The following DLC1 variants were observed in gnomAD, a reference collection of about 807,000 sequenced individuals.
The protein encoded by DLC1 is DLC1 Rho GTPase activating protein, also known as rho GTPase-activating protein 7.
DLC1 carries 54 observed loss-of-function variants against 140.3 expected under a neutral mutation model. The observed-to-expected ratio is 0.38, with a 90% CI of 0.31 to 0.48. The LOEUF is 0.48. Ranked by LOEUF, DLC1 falls within the 20% of genes least tolerant of loss-of-function variation. DLC1 has a pLI of 0.96. For missense variants in DLC1, 2,536 were observed against 1,907.0 expected, an observed-to-expected ratio of 1.33 and a Z score of -6.14; for synonymous variants, 986 against 728.1, an observed-to-expected ratio of 1.35 and a Z score of -5.70.
chr8:13,275,554 T>A (rs1831127400), intron 5 of DLC1, among the ~76,000 whole-genome samples: 1 of 152,214 alleles, frequency 6.6e-6, no homozygotes, highest in Non-Finnish European at 1.5e-5. Context: ...CATATCGTAG[T>A]GAGATGCTAT....
At chr8:13,550,971 C>T (rs1046976191) in intron 1 of DLC1, among the ~76,000 whole-genome samples, 9 of 151,632 alleles carry the variant, frequency 5.9e-5, no homozygotes, top group South Asian at 2.1e-4. Flanking sequence ...CAAGAATTCT[C>T]AGTGAGTTTA....
chr8:13,170,153 G>T (rs889889270), intron 5 of DLC1, among the ~76,000 whole-genome samples: 4 of 152,138 alleles, frequency 2.6e-5, no homozygotes, highest in Admixed American at 2.0e-4. Flanking sequence ...TAATTGTTAA[G>T]ACATGCTATA....
At chr8:13,580,412 C>T (rs571687530) in intron 1 of DLC1, among the ~76,000 whole-genome samples, 2 of 152,320 alleles carry the variant, frequency 1.3e-5, no homozygotes, top group South Asian at 2.1e-4. Context: ...TGAGCCACCG[C>T]GCCCGGCAGG....
At chr8:13,264,510 T>C (rs1303595265) in intron 5 of DLC1, among the ~76,000 whole-genome samples, 1 of 152,136 alleles carries the variant, frequency 6.6e-6, no homozygotes, top group Non-Finnish European at 1.5e-5. Context: ...TTGGGGACAC[T>C]TAAATGTGTA....
chr8:13,537,285 C>G (rs1803314401), intron 1 of DLC1, among the ~76,000 whole-genome samples: 2 of 152,148 alleles, frequency 1.3e-5, no homozygotes, highest in Admixed American at 6.5e-5. Flanking sequence ...CAGGTTCTGC[C>G]ATTCAGGCCC....
At chr8:13,541,548 T>C (rs1803483738) in intron 1 of DLC1, among the ~76,000 whole-genome samples, 1 of 152,198 alleles carries the variant, frequency 6.6e-6, no homozygotes, top group East Asian at 1.9e-4. Context: ...GGAATCTTTT[T>C]ATGGATTTAT....
chr8:13,193,444 A>T (rs1826872501), intron 5 of DLC1, among the ~76,000 whole-genome samples: 1 of 152,068 alleles, frequency 6.6e-6, no homozygotes, highest in South Asian at 2.1e-4. Context: ...AATCCACCAC[A>T]CCTCTAATAG....
At chr8:13,393,509 C>T (rs781598752) in intron 4 of DLC1, 44 bp downstream of exon 4, 4 of 1,574,012 alleles carry the variant, frequency 2.5e-6, no homozygotes, top group Non-Finnish European at 3.5e-6. Context: ...TGATGATCAT[C>T]AACATTTACA....
intron 5 of DLC1, among the ~76,000 whole-genome samples, chr8:13,169,347 C>T (rs1332434850): frequency 1.3e-5 from 2 of 152,050 alleles, no homozygotes; most frequent in African/African-American, 2.4e-5. Context: ...CATATGAGAA[C>T]GTGGGAAAAT....
At chr8:13,474,682 A>G (rs1800364466) in intron 2 of DLC1, among the ~76,000 whole-genome samples, 1 of 152,196 alleles carries the variant, frequency 6.6e-6, no homozygotes, top group South Asian at 2.1e-4. Flanking sequence ...CACCTCTTGC[A>G]CCAGCCTCAT....
At chr8:13,526,440 TA>T (rs1461034948) in intron 1 of DLC1, among the ~76,000 whole-genome samples, 7 of 152,198 alleles carry the variant, frequency 4.6e-5, no homozygotes, top group Admixed American at 2.6e-4. Context: ...TCCATGAGCA[TA>T]ATGTATTTTC....
chr8:13,153,342 G>A (rs901362339), intron 5 of DLC1, among the ~76,000 whole-genome samples: 5 of 152,184 alleles, frequency 3.3e-5, no homozygotes, highest in Non-Finnish European at 5.9e-5. Context: ...ATTCCTCTCC[G>A]TGAGTTTGCG....
At chr8:13,295,955 T>TG (rs1563232233) in intron 5 of DLC1, among the ~76,000 whole-genome samples, 3 of 126,752 alleles carry the variant, frequency 2.4e-5, no homozygotes, top group Admixed American at 8.9e-5. Flanking sequence ...TTTTTTTTTT[T>TG]TTTTTTTTTT....
intron 5 of DLC1, chr8:13,115,998 A>T (rs1317631904): frequency 1.4e-5 from 5 of 367,028 alleles, no homozygotes; most frequent in Admixed American, 5.9e-5. Context: ...TTAATAACTC[A>T]TTTGAAGCCT....
intron 5 of DLC1, among the ~76,000 whole-genome samples, chr8:13,123,147 C>T (rs73663604): frequency 1.1e-4 from 17 of 152,250 alleles, no homozygotes; most frequent in African/African-American, 3.9e-4. Flanking sequence ...TTGCAAGGTC[C>T]ACGTGTTTGT....
chr8:13,165,924 T>G (rs1352260438), intron 5 of DLC1, among the ~76,000 whole-genome samples: 1 of 152,144 alleles, frequency 6.6e-6, no homozygotes, highest in East Asian at 1.9e-4. Context: ...GGAAAGTGTT[T>G]AATCCAGGGT....
chr8:13,350,570 GCCGGGCGTGGTGGTGGCCA>G (rs1445904011), intron 4 of DLC1, among the ~76,000 whole-genome samples: 2 of 152,130 alleles, frequency 1.3e-5, no homozygotes, highest in East Asian at 3.9e-4. Flanking sequence ...ACAAAAATTA[GCCGGGCGTGGTGGTGGCCA>G]CCTGTAATGA....
intron 5 of DLC1, among the ~76,000 whole-genome samples, chr8:13,122,716 T>G (rs1291898492): frequency 1.3e-5 from 2 of 150,170 alleles, no homozygotes; most frequent in African/African-American, 4.9e-5. Flanking sequence ...TGTTATCTAA[T>G]CACAGTAAAG....
At chr8:13,100,797 C>G (rs748874990) in intron 8 of DLC1, 27 bp from the exon 9 acceptor site, 51 of 1,528,474 alleles carry the variant, frequency 3.3e-5, no homozygotes, top group Non-Finnish European at 4.3e-5. Flanking sequence ...GAGCCATTCA[C>G]ACACTGGGGC....
Sources: gnomAD v4.1 joint callset for allele counts (sites outside exome capture counted in the v4.1 genomes callset) on GRCh38, gnomAD v4.1.1 for gene constraint, MANE v1.5 for transcripts, NCBI Gene and HGNC (gene_info 2026-07-23, HGNC 2026-07-21) for gene names.